The following GRM7 variants were observed in gnomAD, a reference collection of about 807,000 sequenced individuals.
The protein encoded by GRM7 is glutamate metabotropic receptor 7.
GRM7 carries 35 observed loss-of-function variants against 84.5 expected under a neutral mutation model. The ratio of observed to expected loss-of-function variants is 0.41; its 90% CI spans 0.32 to 0.55. GRM7 has a LOEUF of 0.55. Among genes scored for constraint, GRM7 ranks in the 20% least tolerant of loss-of-function variants. The pLI is 0.19. For missense variants in GRM7, 1,003 were observed against 1,194.6 expected (o/e 0.84, Z 2.36); for synonymous variants, 487 against 455.1 (o/e 1.07, Z -0.89).
chr3:7,653,131 C>A (rs898554077), intron 8 of GRM7, among the ~76,000 whole-genome samples: 9 of 149,656 alleles, frequency 6.0e-5, no homozygotes, highest in African/African-American at 1.2e-4. Context: ...TCTCCTTAGC[C>A]TGCTTTGTGT....
At chr3:7,609,310 T>G (rs1396001718) in intron 8 of GRM7, among the ~76,000 whole-genome samples, 1 of 152,118 alleles carries the variant, frequency 6.6e-6, no homozygotes, top group Non-Finnish European at 1.5e-5. Context: ...AGTCACATTT[T>G]AGATCATGAG....
intron 1 of GRM7, among the ~76,000 whole-genome samples, chr3:7,022,367 G>GCACACACACACACACACACACACACA (rs71307753): frequency 1.6e-4 from 23 of 145,734 alleles, no homozygotes; most frequent in African/African-American, 5.4e-4. Context: ...ACACACACAT[G>GCACACACACACACACACACACACACA]CACACACACA....
chr3:6,882,775 A>G (rs1307962072), intron 1 of GRM7, among the ~76,000 whole-genome samples: 2 of 152,208 alleles, frequency 1.3e-5, no homozygotes, highest in Non-Finnish European at 2.9e-5. Context: ...ATAAGGCTAT[A>G]TCACAAACTT....
chr3:7,443,029 T>G (rs943354404), intron 5 of GRM7, among the ~76,000 whole-genome samples: 1 of 151,804 alleles, frequency 6.6e-6, no homozygotes, highest in East Asian at 1.9e-4. Context: ...CATTTTCTTT[T>G]CCATCCTCCT....
intron 1 of GRM7, among the ~76,000 whole-genome samples, chr3:7,041,643 A>G (rs1208569361): frequency 2.6e-5 from 4 of 152,236 alleles, no homozygotes. Flanking sequence ...GCAAACAACT[A>G]GAGTAGAATA....
At chr3:7,424,623 C>T (rs534612360) in intron 5 of GRM7, among the ~76,000 whole-genome samples, 3 of 152,212 alleles carry the variant, frequency 2.0e-5, no homozygotes, top group African/African-American at 7.2e-5. Context: ...CAACTAAGTA[C>T]ATACACTCAT....
chr3:6,994,687 A>C (rs1015464043), intron 1 of GRM7, among the ~76,000 whole-genome samples: 1 of 152,142 alleles, frequency 6.6e-6, no homozygotes, highest in Non-Finnish European at 1.5e-5. Flanking sequence ...CTTGCTGAAC[A>C]GGTTTTATTT....
chr3:7,467,131 G>A lies in GRM7; in HGVS notation c.1515+5409G>A, dbSNP rs3792475. Among the ~76,000 whole-genome samples, 805 of 152,046 alleles carry A rather than the reference G, an allele frequency of 5.3e-3. 27 individuals carry two copies. Among genetic ancestry groups the A allele is most frequent in the East Asian group, 0.048 (249 of 5,146 alleles). On this transcript the variant is annotated intron_variant, in intron 7 of 9. Coordinates refer to ENST00000357716, the MANE Select transcript of GRM7 (RefSeq NM_000844.4). ...TTGAGACGGAGTCGCTCTGTCGCCC[G>A]GGCTGGAGTGCAGTGGCGCGATCTT...
chr3:7,329,370 TGGACCTTGGATAA>T (rs1342597702), intron 4 of GRM7, among the ~76,000 whole-genome samples: 1 of 152,166 alleles, frequency 6.6e-6, no homozygotes, highest in Non-Finnish European at 1.5e-5. Context: ...CCACTTGCAT[TGGACCTTGGATAA>T]GCTACTTGGT....
At chr3:6,927,418 ACT>A (rs1332375262) in intron 1 of GRM7, among the ~76,000 whole-genome samples, 1 of 149,206 alleles carries the variant, frequency 6.7e-6, no homozygotes, top group Non-Finnish European at 1.5e-5. Context: ...ACAGAGCTAG[ACT>A]CTTGTCAGAA....
chr3:7,228,346 C>A (rs1697051245), intron 2 of GRM7, among the ~76,000 whole-genome samples: 1 of 151,086 alleles, frequency 6.6e-6, no homozygotes, highest in African/African-American at 2.4e-5. Context: ...GATATCGATT[C>A]TCTCATAGCA....
chr3:7,633,016 C>T (rs2125097937), intron 8 of GRM7, among the ~76,000 whole-genome samples: 1 of 152,326 alleles, frequency 6.6e-6, no homozygotes, highest in South Asian at 2.1e-4. Context: ...GTGTCCGAAG[C>T]AGTCATTGAT....
At chr3:7,362,835 G>A (rs1392428324) in intron 4 of GRM7, among the ~76,000 whole-genome samples, 1 of 152,062 alleles carries the variant, frequency 6.6e-6, no homozygotes, top group Non-Finnish European at 1.5e-5. Context: ...GTTCTTAAAA[G>A]TAGGGATTGC....
chr3:6,920,437 C>G (rs1001351475), intron 1 of GRM7, among the ~76,000 whole-genome samples: 5 of 152,102 alleles, frequency 3.3e-5, no homozygotes, highest in Admixed American at 6.5e-5. Flanking sequence ...CACAAGTAAT[C>G]CAAGCTGCTC....
chr3:7,565,278 CA>C (rs1694206653), intron 7 of GRM7, among the ~76,000 whole-genome samples: 1 of 152,130 alleles, frequency 6.6e-6, no homozygotes, highest in Admixed American at 6.5e-5. Context: ...TCCAGCAATT[CA>C]ATTGCATTTC....
intron 1 of GRM7, among the ~76,000 whole-genome samples, chr3:6,926,764 A>T (rs965595300): frequency 1.3e-5 from 2 of 152,208 alleles, no homozygotes; most frequent in Non-Finnish European, 2.9e-5. Flanking sequence ...GTAGAACTAT[A>T]TGCAAGGGAT....
intron 1 of GRM7, among the ~76,000 whole-genome samples, chr3:7,140,229 TGA>T (rs896239294): frequency 2.0e-5 from 3 of 151,940 alleles, no homozygotes; most frequent in African/African-American, 7.2e-5. Flanking sequence ...ATCTTTCTCA[TGA>T]GAGAGAGTGA....
chr3:7,069,176 T>C lies in GRM7; in HGVS notation c.520-77276T>C, dbSNP rs1384670474. 5.9e-5 allele frequency among the ~76,000 whole-genome samples: 9 copies of C among 151,978 alleles called. 1 individual carries two copies. The highest frequency in any genetic ancestry group is 5.9e-4 in the Admixed American group (9 of 15,206). Reference sequence around the variant, plus strand: ...AACTATTTGCAAGTTTCAGGCAGGTTAAGAGACAGCTATGAGGGGTAATGA... The same window carrying C: ...AACTATTTGCAAGTTTCAGGCAGGTCAAGAGACAGCTATGAGGGGTAATGA... On this transcript the variant is annotated intron_variant, in intron 1 of 9. Coordinates refer to ENST00000357716, the MANE Select transcript of GRM7 (RefSeq NM_000844.4).
intron 2 of GRM7, among the ~76,000 whole-genome samples, chr3:7,291,695 C>A (rs6443100): frequency 0.41 from 62,964 of 151,926 alleles, 13,263 homozygotes; most frequent in Admixed American, 0.53. Flanking sequence ...CACTTGACCC[C>A]TTTTGACTGT....
Sources: gnomAD v4.1 joint callset for allele counts (sites outside exome capture counted in the v4.1 genomes callset) on GRCh38, gnomAD v4.1.1 for gene constraint, MANE v1.5 for transcripts, NCBI Gene and HGNC (gene_info 2026-07-23, HGNC 2026-07-21) for gene names.